The following PCDHA2 variants were observed in gnomAD, a reference collection of about 807,000 sequenced individuals.
PCDHA2 encodes the protein protocadherin alpha-2.
In PCDHA2, 58 loss-of-function variants were observed where a neutral mutation model predicts 66.0. The observed-to-expected ratio is 0.88, with a 90% CI of 0.71 to 1.09. The LOEUF (loss-of-function observed/expected upper bound fraction) is 1.09. Among genes scored for constraint, PCDHA2 ranks in the 50% least tolerant of loss-of-function variants. PCDHA2 has a pLI of 0.00. For synonymous variants in PCDHA2, 634 were observed against 554.0 expected (o/e 1.14, Z -2.03); for missense variants, 1,267 against 1,242.3 (o/e 1.02, Z -0.30).
intron 1 of PCDHA2, among the ~76,000 whole-genome samples, chr5:140,926,169 G>C (rs1212199081): frequency 6.6e-6 from 1 of 151,734 alleles, no homozygotes; most frequent in Non-Finnish European, 1.5e-5. Flanking sequence ...GCAGGATCCA[G>C]CGCGGAAAGC....
intron 1 of PCDHA2, among the ~76,000 whole-genome samples, chr5:140,855,122 G>C (rs1327374532): frequency 1.3e-5 from 2 of 149,706 alleles, no homozygotes; most frequent in African/African-American, 4.9e-5. Flanking sequence ...CATTCTATAG[G>C]TAATAATTTT....
intron 1 of PCDHA2, chr5:140,829,019 T>G: frequency 6.2e-7 from 1 of 1,613,680 alleles, no homozygotes; most frequent in South Asian, 1.1e-5. Flanking sequence ...TAATTTGGAT[T>G]TTGAACAAGA....
At chr5:140,829,423 G>A (rs2150167639) in intron 1 of PCDHA2, 3 of 1,614,120 alleles carry the variant, frequency 1.9e-6, no homozygotes, top group Middle Eastern at 1.7e-4. Flanking sequence ...TGTCTGTGGA[G>A]GTGGCCGACA....
At chr5:140,870,606 C>T (rs781958673) in intron 1 of PCDHA2, 24 of 1,613,142 alleles carry the variant, frequency 1.5e-5, no homozygotes, top group Non-Finnish European at 3.4e-6. Flanking sequence ...TGGGCGACCG[C>T]GCGCTGTCGA....
chr5:140,982,071 G>A (rs1484711558), intron 2 of PCDHA2, among the ~76,000 whole-genome samples: 12 of 151,172 alleles, frequency 7.9e-5, no homozygotes, highest in Admixed American at 7.9e-4. Flanking sequence ...TTCTTCTTTA[G>A]AGTAGAGAAC....
intron 1 of PCDHA2, among the ~76,000 whole-genome samples, chr5:140,899,774 C>T (rs966615256): frequency 3.9e-5 from 6 of 152,122 alleles, no homozygotes; most frequent in African/African-American, 1.4e-4. Context: ...CCTCCTTTTA[C>T]CTCTGGTATA....
intron 1 of PCDHA2, chr5:140,966,564 T>A (rs1342180377): frequency 2.0e-6 from 1 of 488,548 alleles, no homozygotes; most frequent in Non-Finnish European, 3.4e-6. Context: ...GGAGCTGGAA[T>A]ATGGGGAGTC....
At chr5:140,821,810 G>A (rs1767067233) in intron 1 of PCDHA2, 2 of 1,613,712 alleles carry the variant, frequency 1.2e-6, no homozygotes, top group Non-Finnish European at 1.7e-6. Context: ...CTGGGATCCC[G>A]GCTCCTGCTG....
At chr5:140,956,174 C>T (rs1353306679) in intron 1 of PCDHA2, among the ~76,000 whole-genome samples, 1 of 152,154 alleles carries the variant, frequency 6.6e-6, no homozygotes. Context: ...GCCAGAACTT[C>T]CAATACTATG....
chr5:140,801,915 C>G, intron 1 of PCDHA2: 2 of 1,614,120 alleles, frequency 1.2e-6, no homozygotes, highest in South Asian at 2.2e-5. Context: ...CGACAACGCC[C>G]CAGCGTTTGA....
Position 140,848,175 on chromosome 5 carries a change from A to C in PCDHA2, c.2388+50823A>C, listed in dbSNP as rs1003138626. The C allele has an allele frequency of 1.1e-4, 28 of 264,776 alleles. 3 individuals are homozygous for C. The highest frequency in any genetic ancestry group is 1.8e-4 in the Non-Finnish European group (25 of 138,828). 16.4% of individuals were successfully genotyped at this position (264,776 alleles called of 1,614,324 possible). On this transcript the variant is annotated intron_variant, in intron 1 of 3. Transcript: ENST00000526136. ...AGTCTGCTAAGAAGGCTCCAGCAAG[A>C]GAAACGGGATCTTCTGTTTCAACAA...
chr5:140,841,813 T>C (rs2150323306), intron 1 of PCDHA2: 1 of 1,613,920 alleles, frequency 6.2e-7, no homozygotes, highest in Non-Finnish European at 8.5e-7. Context: ...ATGTTGGAGC[T>C]AACTCCGTGT....
chr5:140,818,971 T>G (rs1554127584), intron 1 of PCDHA2, among the ~76,000 whole-genome samples: 1 of 152,246 alleles, frequency 6.6e-6, no homozygotes, highest in East Asian at 1.9e-4. Flanking sequence ...AGGGATATGT[T>G]AGAACTATTC....
At position 140,797,072 on chromosome 5, in the gene PCDHA2, C is replaced by T. The variant is rs782780832; in HGVS notation, c.2108C>T (p.Ala703Val). 6.8e-6 allele frequency: 11 copies of T among 1,613,768 alleles called. No individual in the cohort carries two copies. The South Asian group carries it at 7.7e-5, about 11-fold the overall frequency. ...LVDVNVYLII[A>V]ICAVSSLLVL... ...GATGTCAACGTGTACCTGATCATCGCCATCTGCGCGGTATCCAGCCTGTTG... is the reference window on the plus strand; with the variant it reads ...GATGTCAACGTGTACCTGATCATCGTCATCTGCGCGGTATCCAGCCTGTTG... Residue 703 changes from alanine (A) to valine (V), a missense_variant, in exon 1 of 4, where the codon GCC (alanine) becomes GTC (valine). Coordinates refer to ENST00000526136, the MANE Select transcript of PCDHA2 (RefSeq NM_018905.3).
intron 1 of PCDHA2, among the ~76,000 whole-genome samples, chr5:140,952,740 C>T (rs2094790841): frequency 1.3e-5 from 2 of 152,184 alleles, no homozygotes; most frequent in African/African-American, 2.4e-5. Flanking sequence ...TTTTCTCACA[C>T]TGCTATAAAA....
rs782194896 is a variant in PCDHA2 at position 140,992,662 on chromosome 5, G to A, written c.2536+10099G>A. Among the ~76,000 whole-genome samples, 4 of 152,160 alleles carry A rather than the reference G, an allele frequency of 2.6e-5. 1 individual carries two copies. The highest frequency in any genetic ancestry group is 5.9e-5 in the Non-Finnish European group (4 of 68,028). ...GAAAATAGAAGAAAGAGCCTGATTGGTGTGTATGTGTGTGTTAGGGGTTGA... is the reference window on the plus strand; with the variant it reads ...GAAAATAGAAGAAAGAGCCTGATTGATGTGTATGTGTGTGTTAGGGGTTGA... On this transcript the variant is annotated intron_variant, in intron 3 of 3. Transcript: ENST00000526136.
chr5:140,970,948 C>A (rs1339410112), intron 1 of PCDHA2, among the ~76,000 whole-genome samples: 2 of 152,114 alleles, frequency 1.3e-5, no homozygotes, highest in East Asian at 3.8e-4. Flanking sequence ...TGCTGAGAAA[C>A]CATGGGAGGC....
At chr5:140,907,840 A>C (rs2073633940) in intron 1 of PCDHA2, among the ~76,000 whole-genome samples, 1 of 152,160 alleles carries the variant, frequency 6.6e-6, no homozygotes, top group South Asian at 2.1e-4. Context: ...TGTTTATTAA[A>C]ATCCTCCTCT....
rs1049748990 is a variant in PCDHA2 at position 140,844,585 on chromosome 5, G to A, written c.2388+47233G>A. Among the ~76,000 whole-genome samples the A allele has an allele frequency of 2.7e-5, 4 of 149,128 alleles. 1 individual carries two copies. Among genetic ancestry groups the A allele is most frequent in the Non-Finnish European group, 6.0e-5 (4 of 66,698 alleles). ...TTTCAATAATATTCCACATTAAAGT[G>A]ATATTTAATATATGACTTAGAAAAA... On this transcript the variant is annotated intron_variant, in intron 1 of 3. Coordinates refer to ENST00000526136, the MANE Select transcript of PCDHA2 (RefSeq NM_018905.3).
Sources: allele counts gnomAD v4.1 joint callset (sites outside exome capture counted in the v4.1 genomes callset), GRCh38; gene constraint gnomAD v4.1.1; transcripts MANE v1.5; gene names NCBI Gene and HGNC (gene_info 2026-07-23, HGNC 2026-07-21).